Variants in SPATA16 observed in about 807,000 individuals in gnomAD.
SPATA16 encodes the protein spermatogenesis associated 16, also known as spermatogenesis-associated protein 16.
In SPATA16, 36 loss-of-function variants were observed where a neutral mutation model predicts 63.3. The observed-to-expected ratio is 0.57, with a 90% CI of 0.44 to 0.75. The LOEUF is 0.75. Among genes scored for constraint, SPATA16 ranks in the 30% least tolerant of loss-of-function variants. SPATA16 has a pLI of 0.00. For missense variants in SPATA16, 646 were observed against 679.3 expected (o/e 0.95, Z 0.54); for synonymous variants, 203 against 216.7 (o/e 0.94, Z 0.56).
chr3:172,889,645 T>C lies in SPATA16; in HGVS notation c.1635A>G (p.Leu545=). ...DFLYQLEDSF[L]KTKKLRTARR... is the part of the protein sequence containing the mutation. ...GAGCAGTTCTCAGTTTTTTAGTTTTTAAGAAACTGTCCTCTAATTGGTATA... is the reference window on the plus strand; with the variant it reads ...GAGCAGTTCTCAGTTTTTTAGTTTTCAAGAAACTGTCCTCTAATTGGTATA... The change falls in exon 11 of 11, where the codon TTA becomes TTG. Residue 545 remains leucine, a synonymous_variant. Coordinates refer to ENST00000351008, the MANE Select transcript of SPATA16 (RefSeq NM_031955.6). The C allele has an allele frequency of 6.2e-7, 1 of 1,613,798 alleles. No individual in the cohort carries two copies. The highest frequency in any genetic ancestry group is 1.1e-5 in the South Asian group (1 of 91,084).
At chr3:173,131,174 G>A (rs984798549) in intron 1 of SPATA16, among the ~76,000 whole-genome samples, 4 of 152,008 alleles carry the variant, frequency 2.6e-5, no homozygotes, top group Admixed American at 2.6e-4. Context: ...TTTGGTTTGT[G>A]CAAAACTTTA....
intron 4 of SPATA16, among the ~76,000 whole-genome samples, chr3:172,995,513 A>G (rs990017762): frequency 1.3e-5 from 2 of 152,068 alleles, no homozygotes; most frequent in African/African-American, 4.8e-5. Context: ...TTAAGTTGGA[A>G]TCTGTAGGAG....
chr3:173,009,132 C>T lies in SPATA16; in HGVS notation c.848+10354G>A, dbSNP rs372691496. On this transcript the variant is annotated intron_variant, in intron 4 of 10. Coordinates refer to ENST00000351008, the MANE Select transcript of SPATA16 (RefSeq NM_031955.6). ...GAAATAACTGGCAATATTTAAAAATCGAGGGTTCTGGTTCAAGATGGCAGA... is the reference window on the plus strand; with the variant it reads ...GAAATAACTGGCAATATTTAAAAATTGAGGGTTCTGGTTCAAGATGGCAGA... Among the ~76,000 whole-genome samples, 221 of 152,194 alleles carry T rather than the reference C, an allele frequency of 1.5e-3. 1 individual carries two copies. Among genetic ancestry groups the T allele is most frequent in the African/African-American group, 5.2e-3 (215 of 41,510 alleles).
intron 5 of SPATA16, among the ~76,000 whole-genome samples, chr3:172,967,324 G>T (rs1356132229): frequency 1.3e-5 from 2 of 152,130 alleles, no homozygotes; most frequent in Non-Finnish European, 2.9e-5. Context: ...AATGATGTGG[G>T]CTTCTGCCGT....
chr3:173,121,427 C>A lies in SPATA16; in HGVS notation c.-18-3678G>T, dbSNP rs533580588. ...GTTTATTCCAAAAGATGTTCATTTT[C>A]AGTCTGTCAACTAAGAATTCCCCAT... On this transcript the variant is annotated intron_variant, in intron 1 of 10. Coordinates refer to ENST00000351008, the MANE Select transcript of SPATA16 (RefSeq NM_031955.6). 2.0e-5 allele frequency among the ~76,000 whole-genome samples: 3 copies of A among 152,252 alleles called. No homozygotes were observed. The South Asian group carries it at 6.2e-4, about 32-fold the overall frequency.
chr3:173,136,922 C>G (rs944838040), intron 1 of SPATA16, among the ~76,000 whole-genome samples: 12 of 152,142 alleles, frequency 7.9e-5, no homozygotes, highest in African/African-American at 2.9e-4. Context: ...CCTGTCCTCT[C>G]TCTTGGGAAG....
intron 1 of SPATA16, among the ~76,000 whole-genome samples, chr3:173,134,979 A>G (rs563069512): frequency 6.6e-6 from 1 of 152,234 alleles, no homozygotes; most frequent in South Asian, 2.1e-4. Context: ...ATTATATTAT[A>G]CATAATAATT....
At chr3:172,959,141 AT>A (rs763487119) in intron 5 of SPATA16, among the ~76,000 whole-genome samples, 2 of 152,228 alleles carry the variant, frequency 1.3e-5, no homozygotes, top group Non-Finnish European at 2.9e-5. Flanking sequence ...TATTAGTGAT[AT>A]CCTAGTCAGG....
At chr3:172,961,903 C>T (rs1254592542) in intron 5 of SPATA16, among the ~76,000 whole-genome samples, 1 of 152,002 alleles carries the variant, frequency 6.6e-6, no homozygotes, top group African/African-American at 2.4e-5. Context: ...TCAGGCCTGG[C>T]CCATGAAACC....
chr3:173,000,188 G>A (rs1212189982), intron 4 of SPATA16, among the ~76,000 whole-genome samples: 2 of 152,188 alleles, frequency 1.3e-5, no homozygotes, highest in Non-Finnish European at 2.9e-5. Context: ...CAGCATGTGA[G>A]GACATAGAAG....
intron 8 of SPATA16, among the ~76,000 whole-genome samples, chr3:172,918,486 C>G (rs1023250101): frequency 7.9e-5 from 12 of 152,074 alleles, no homozygotes; most frequent in Non-Finnish European, 2.9e-5. Flanking sequence ...CCCCTCCTCC[C>G]CCCGAAGCCA....
chr3:172,898,819 G>C (rs1732063508), intron 10 of SPATA16, among the ~76,000 whole-genome samples: 1 of 151,184 alleles, frequency 6.6e-6, no homozygotes, highest in African/African-American at 2.4e-5. Context: ...ATTTGAGATA[G>C]CTTCTTCTTT....
intron 3 of SPATA16, among the ~76,000 whole-genome samples, chr3:173,039,537 C>T (rs1458878582): frequency 1.3e-5 from 2 of 152,118 alleles, no homozygotes; most frequent in African/African-American, 4.8e-5. Flanking sequence ...AATACCACTC[C>T]ATTATGCTCA....
chr3:172,992,073 C>T (rs986519993), intron 4 of SPATA16, among the ~76,000 whole-genome samples: 1 of 151,976 alleles, frequency 6.6e-6, no homozygotes, highest in Non-Finnish European at 1.5e-5. Context: ...ATGGTATGGG[C>T]GTTAGGAAAA....
intron 3 of SPATA16, among the ~76,000 whole-genome samples, chr3:173,021,722 T>TTTTTA (rs1553794054): frequency 1.4e-4 from 20 of 139,720 alleles, no homozygotes; most frequent in African/African-American, 5.2e-4. Context: ...CCCTATTACT[T>TTTTTA]TTTATTTATT....
rs533681722 is a variant in SPATA16 at position 173,042,578 on chromosome 3, C to A, written c.758+6371G>T. 2.0e-5 allele frequency among the ~76,000 whole-genome samples: 3 copies of A among 152,248 alleles called. No homozygotes were observed. The South Asian group carries it at 6.2e-4, about 32-fold the overall frequency. ...TTATTTCTATTACCACTGAAAATTA[C>A]CTGTATTTGTTATTGGTGGTGGGAT... On this transcript the variant is annotated intron_variant, in intron 3 of 10. Transcript: ENST00000351008.
chr3:172,899,099 A>G (rs965837057), intron 10 of SPATA16, among the ~76,000 whole-genome samples: 1 of 151,938 alleles, frequency 6.6e-6, no homozygotes, highest in African/African-American at 2.4e-5. Flanking sequence ...AATAGCATCT[A>G]TTTTGGTGCA....
chr3:172,961,533 T>C (rs1252357399), intron 5 of SPATA16, among the ~76,000 whole-genome samples: 1 of 151,996 alleles, frequency 6.6e-6, no homozygotes, highest in African/African-American at 2.4e-5. Context: ...TAGCTGGGAC[T>C]ACAGGCGCCC....
At chr3:172,940,994 A>G (rs1476471927) in intron 6 of SPATA16, among the ~76,000 whole-genome samples, 1 of 152,206 alleles carries the variant, frequency 6.6e-6, no homozygotes, top group African/African-American at 2.4e-5. Flanking sequence ...AAAGATAAAA[A>G]TAAAAATAAA....
Sources: allele counts gnomAD v4.1 joint callset (sites outside exome capture counted in the v4.1 genomes callset), GRCh38; gene constraint gnomAD v4.1.1; transcripts MANE v1.5; gene names NCBI Gene and HGNC (gene_info 2026-07-23, HGNC 2026-07-21).